The following MACROD2 variants were observed in gnomAD, a reference collection of about 807,000 sequenced individuals.
MACROD2 encodes ADP-ribose glycohydrolase MACROD2.
A neutral mutation model predicts 70.4 loss-of-function variants in MACROD2; 36 were observed. That is an observed-to-expected ratio of 0.51 (90% CI 0.39 to 0.68). The LOEUF is 0.68. Among genes scored for constraint, MACROD2 ranks in the 30% least tolerant of loss-of-function variants. The probability of loss-of-function intolerance (pLI) is 0.00; values close to 1 mark genes in which losing one functional copy is unlikely to be tolerated. For synonymous variants in MACROD2, 172 were observed against 178.8 expected, an observed-to-expected ratio of 0.96 and a Z score of 0.30; for missense variants, 496 against 538.4, an observed-to-expected ratio of 0.92 and a Z score of 0.78.
intron 5 of MACROD2, among the ~76,000 whole-genome samples, chr20:14,699,697 T>G (rs2071169364): frequency 6.6e-6 from 1 of 152,198 alleles, no homozygotes; most frequent in South Asian, 2.1e-4. Flanking sequence ...AATATGTAGT[T>G]TAATACCTAT....
intron 5 of MACROD2, among the ~76,000 whole-genome samples, chr20:15,185,072 A>G (rs2076525630): frequency 6.6e-6 from 1 of 152,180 alleles, no homozygotes; most frequent in South Asian, 2.1e-4. Context: ...TGTTGATTGC[A>G]TGCACATCTT....
At chr20:14,936,788 A>G (rs1160316304) in intron 5 of MACROD2, among the ~76,000 whole-genome samples, 1 of 152,204 alleles carries the variant, frequency 6.6e-6, no homozygotes, top group Non-Finnish European at 1.5e-5. Context: ...ATCAAAATCC[A>G]CAAAGTTGTA....
intron 5 of MACROD2, among the ~76,000 whole-genome samples, chr20:15,074,397 A>G: frequency 6.6e-6 from 1 of 152,190 alleles, no homozygotes; most frequent in South Asian, 2.1e-4. Flanking sequence ...AGACGACTGG[A>G]GGGTACCCCC....
intron 4 of MACROD2, among the ~76,000 whole-genome samples, chr20:14,601,399 G>A (rs1982488236): frequency 6.6e-6 from 1 of 152,132 alleles, no homozygotes; most frequent in African/African-American, 2.4e-5. Flanking sequence ...TGCTCAGGTG[G>A]TAAGGCTTAC....
intron 3 of MACROD2, among the ~76,000 whole-genome samples, chr20:14,229,574 C>T (rs1416388041): frequency 1.3e-5 from 2 of 152,144 alleles, no homozygotes; most frequent in Non-Finnish European, 2.9e-5. Context: ...CTGACAAGGA[C>T]GTGGAACAAC....
chr20:15,663,634 C>A (rs1600727795), intron 8 of MACROD2, among the ~76,000 whole-genome samples: 1 of 151,786 alleles, frequency 6.6e-6, no homozygotes, highest in Admixed American at 6.6e-5. Flanking sequence ...AAAAAAAAAC[C>A]GTGTCTGGGC....
intron 6 of MACROD2, among the ~76,000 whole-genome samples, chr20:15,405,437 C>T (rs1006140228): frequency 4.6e-5 from 7 of 152,116 alleles, no homozygotes; most frequent in East Asian, 1.9e-4. Flanking sequence ...GGCCCAGCAC[C>T]GTGGTGTGGC....
chr20:15,135,247 C>A (rs1197267749), intron 5 of MACROD2, among the ~76,000 whole-genome samples: 2 of 150,674 alleles, frequency 1.3e-5, no homozygotes, highest in East Asian at 2.0e-4. Flanking sequence ...CAAAGCCGGG[C>A]AGAGACACAA....
chr20:15,371,786 T>G (rs1203666004), intron 6 of MACROD2, among the ~76,000 whole-genome samples: 2 of 152,122 alleles, frequency 1.3e-5, no homozygotes, highest in African/African-American at 2.4e-5. Context: ...ATAAAAGAAA[T>G]AAAACATTAT....
chr20:15,831,905 G>A lies in MACROD2; in HGVS notation c.646-30840G>A, dbSNP rs143667407. 9.1e-3 allele frequency among the ~76,000 whole-genome samples: 1,385 copies of A among 152,212 alleles called. 11 individuals carry two copies. The highest frequency in any genetic ancestry group is 0.016 in the Non-Finnish European group (1,073 of 68,014). ...ACCTATTCCCAACTCCTGATTTCAT[G>A]TGCTGATATGTTTGTGTTGTTTAGC... On this transcript the variant is annotated intron_variant, in intron 8 of 17. Transcript: ENST00000684519.
intron 7 of MACROD2, among the ~76,000 whole-genome samples, chr20:15,456,924 C>T (rs6074899): frequency 0.39 from 58,565 of 151,762 alleles, 11,870 homozygotes; most frequent in East Asian, 0.72. Flanking sequence ...ATAGTTTTAT[C>T]TGCAGGCCTC....
chr20:15,036,809 G>C (rs1381704779), intron 5 of MACROD2, among the ~76,000 whole-genome samples: 1 of 151,810 alleles, frequency 6.6e-6, no homozygotes, highest in African/African-American at 2.4e-5. Flanking sequence ...AGCACGAACT[G>C]TACAAAAGTT....
At chr20:15,926,196 GC>G (rs2065486671) in intron 10 of MACROD2, among the ~76,000 whole-genome samples, 2 of 152,310 alleles carry the variant, frequency 1.3e-5, no homozygotes, top group East Asian at 1.9e-4. Flanking sequence ...TTATGTCGGG[GC>G]CAGCATCCTT....
chr20:14,784,594 AT>A (rs949289505), intron 5 of MACROD2, among the ~76,000 whole-genome samples: 2 of 142,138 alleles, frequency 1.4e-5, no homozygotes, highest in African/African-American at 5.1e-5. Flanking sequence ...TGTAGTAGAT[AT>A]TTGATAAATG....
chr20:15,998,633 T>G lies in MACROD2; in HGVS notation c.1153+11475T>G, dbSNP rs2066666297. On this transcript the variant is annotated intron_variant, in intron 15 of 17. Coordinates refer to ENST00000684519, the MANE Select transcript of MACROD2 (RefSeq NM_001351661.2). Reference sequence around the variant, plus strand: ...AGGCTGGAGTGCAGTGGTGTGATCTTGGCTCACTGCAAGCTCCGCCTCCTG... The same window carrying G: ...AGGCTGGAGTGCAGTGGTGTGATCTGGGCTCACTGCAAGCTCCGCCTCCTG... 2.0e-5 allele frequency among the ~76,000 whole-genome samples: 3 copies of G among 150,520 alleles called. No individual in the cohort carries two copies. In the South Asian group the frequency reaches 6.3e-4, roughly 32 times the overall value.
intron 3 of MACROD2, among the ~76,000 whole-genome samples, chr20:14,379,696 T>C (rs552734399): frequency 3.2e-4 from 48 of 152,274 alleles, no homozygotes; most frequent in African/African-American, 1.1e-3. Flanking sequence ...CTCATTCAAG[T>C]AGGATCATAC....
intron 8 of MACROD2, among the ~76,000 whole-genome samples, chr20:15,525,398 T>C (rs533260038): frequency 1.3e-5 from 2 of 152,332 alleles, no homozygotes; most frequent in African/African-American, 4.8e-5. Flanking sequence ...GGTAGGATAA[T>C]TTTCCTTTAC....
chr20:15,411,887 A>G (rs2046083681), intron 6 of MACROD2, among the ~76,000 whole-genome samples: 1 of 152,134 alleles, frequency 6.6e-6, no homozygotes, highest in Admixed American at 6.5e-5. Flanking sequence ...AGATGGTTTA[A>G]TCCTTGGTGC....
chr20:14,506,272 G>T (rs1004719784), intron 4 of MACROD2, among the ~76,000 whole-genome samples: 1 of 152,096 alleles, frequency 6.6e-6, no homozygotes, highest in Non-Finnish European at 1.5e-5. Flanking sequence ...ATGTACTCTT[G>T]TCCAAACCTG....
Sources: allele counts gnomAD v4.1 joint callset (sites outside exome capture counted in the v4.1 genomes callset), GRCh38; gene constraint gnomAD v4.1.1; transcripts MANE v1.5; gene names NCBI Gene and HGNC (gene_info 2026-07-23, HGNC 2026-07-21).